The following CEP192 variants were observed in gnomAD, a reference collection of about 807,000 sequenced individuals.
CEP192 encodes the protein centrosomal protein of 192 kDa.
CEP192 carries 151 observed loss-of-function variants against 271.8 expected under a neutral mutation model. That is an observed-to-expected ratio of 0.56 (90% CI 0.49 to 0.64). CEP192 has a LOEUF of 0.64. Among genes scored for constraint, CEP192 ranks in the 30% least tolerant of loss-of-function variants. The probability of loss-of-function intolerance (pLI) is 0.00; values close to 1 mark genes in which losing one functional copy is unlikely to be tolerated. For missense variants in CEP192, 2,910 were observed against 3,020.5 expected (o/e 0.96, Z 0.86); for synonymous variants, 995 against 1,076.5 (o/e 0.92, Z 1.48).
intron 30 of CEP192, among the ~76,000 whole-genome samples, chr18:13,081,124 C>G (rs1392900255): frequency 6.6e-6 from 1 of 152,096 alleles, no homozygotes; most frequent in Non-Finnish European, 1.5e-5. Flanking sequence ...CTTTGCCAGG[C>G]TTTGGTATCA....
At chr18:13,106,157 C>G (rs912220913) in intron 40 of CEP192, among the ~76,000 whole-genome samples, 6 of 152,170 alleles carry the variant, frequency 3.9e-5, no homozygotes, top group African/African-American at 1.4e-4. Flanking sequence ...TGACTTTATA[C>G]TATAGAATAA....
chr18:13,001,929 ACTC>A (rs2033670613), intron 3 of CEP192, among the ~76,000 whole-genome samples: 1 of 152,046 alleles, frequency 6.6e-6, no homozygotes, highest in South Asian at 2.1e-4. Flanking sequence ...CTGGTCTCAA[ACTC>A]CTGACCTCAA....
At chr18:13,028,645 G>A (rs9952452) in intron 9 of CEP192, among the ~76,000 whole-genome samples, 22,218 of 151,924 alleles carry the variant, frequency 0.15, 1,877 homozygotes, top group East Asian at 0.31. Flanking sequence ...TCAGCCTCCC[G>A]AGTAGCTGGG....
chr18:13,073,076 A>G lies in CEP192; in HGVS notation c.5507A>G (p.Glu1836Gly). 2 of 1,613,836 alleles carry G rather than the reference A, an allele frequency of 1.2e-6. No individual in the cohort carries two copies. Among genetic ancestry groups the G allele is most frequent in the East Asian group, 2.2e-5 (1 of 44,868 alleles). The change falls in exon 30 of 45, where the codon GAA becomes GGA. Residue 1836 changes from glutamate to glycine, a missense_variant. By Grantham distance (98) the Glu-to-Gly change is moderately conservative. Transcript: ENST00000506447. ...TGTGAGATCAGAATTCACCCAAAGG[A>G]AGACATTTTCATCTCTGTATTATTT... is the stretch of plus-strand genomic sequence containing the variant. ...SNCEIRIHPK[E>G]DIFISVLFAP...
chr18:13,001,465 A>G lies in CEP192; in HGVS notation c.173A>G (p.Asp58Gly). 6.5e-7 allele frequency: 1 copy of G among 1,540,566 alleles called. No homozygotes were observed. Residue 58 changes from aspartate to glycine, a missense_variant, in exon 3 of 45, where the codon GAT becomes GGT. Asp to Gly is a moderately conservative substitution (Grantham distance 94, BLOSUM62 -1). Coordinates refer to ENST00000506447, the MANE Select transcript of CEP192 (RefSeq NM_032142.4). ...AAATTTTTTTTGTATAGGTATCCTGATATCCAGGCATCTTACTTAGTAGAA... is the reference window on the plus strand; with the variant it reads ...AAATTTTTTTTGTATAGGTATCCTGGTATCCAGGCATCTTACTTAGTAGAA... ...DRSSTDNRYP[D>G]IQASYLVEGR... is the part of the protein sequence containing the mutation.
chr18:12,996,081 TGTTATAGG>T (rs1381012246), intron 1 of CEP192, among the ~76,000 whole-genome samples: 1 of 151,940 alleles, frequency 6.6e-6, no homozygotes, highest in African/African-American at 2.4e-5. Context: ...GTTTCAGTAA[TGTTATAGG>T]GTGACTTTCG....
rs80022139 is a variant in CEP192 at position 13,036,255 on chromosome 18, C to G, written c.1535-982C>G. Among the ~76,000 whole-genome samples the G allele has an allele frequency of 3.0e-3, 450 of 152,196 alleles. 6 individuals are homozygous for G. In the East Asian group the frequency reaches 0.036, roughly 12 times the overall value. The stretch of plus-strand genomic sequence containing the variant: ...TAGGAAGCCTCAGTGGGCTTTGGTG[C>G]TCTGCTTTTCCTGAACAGAAATATC... On this transcript the variant is annotated intron_variant, in intron 11 of 44. Transcript: ENST00000506447.
intron 40 of CEP192, among the ~76,000 whole-genome samples, chr18:13,106,401 A>G (rs1482053172): frequency 6.7e-6 from 1 of 149,880 alleles, no homozygotes; most frequent in Admixed American, 6.7e-5. Flanking sequence ...CACCACTACT[A>G]CCACTCACCA....
chr18:13,050,528 A>G (rs2036724999), intron 17 of CEP192, among the ~76,000 whole-genome samples: 1 of 151,636 alleles, frequency 6.6e-6, no homozygotes, highest in Admixed American at 6.6e-5. Flanking sequence ...AGTTTGAAAC[A>G]CTTTCATATA....
chr18:13,117,710 G>C, intron 44 of CEP192, 67 bp downstream of exon 44: 1 of 1,189,280 alleles, frequency 8.4e-7, no homozygotes, highest in Non-Finnish European at 1.3e-6. Flanking sequence ...GGGAGTTGGG[G>C]CTTGTGAGGT....
chr18:13,096,659 C>T (rs958778143), intron 36 of CEP192, among the ~76,000 whole-genome samples: 1 of 152,128 alleles, frequency 6.6e-6, no homozygotes, highest in Admixed American at 6.6e-5. Flanking sequence ...GATGAGGGGT[C>T]GCGATGTGTC....
intron 5 of CEP192, among the ~76,000 whole-genome samples, chr18:13,015,061 C>T (rs1048730124): frequency 6.6e-6 from 1 of 152,090 alleles, no homozygotes; most frequent in African/African-American, 2.4e-5. Flanking sequence ...TACTATATTA[C>T]GAGCCTCTCT....
rs988365981 is a variant in CEP192 at position 13,031,536 on chromosome 18, C to T, written c.1534+928C>T. ...TGCTGGGATTACAGGCGTGAGCCAC[C>T]GCGCCCGGCCACCTGGCCTTATTGT... On this transcript the variant is annotated intron_variant, in intron 11 of 44. Transcript: ENST00000506447. Among the ~76,000 whole-genome samples, 5 of 152,052 alleles carry T rather than the reference C, an allele frequency of 3.3e-5. No individual in the cohort carries two copies. The East Asian group carries it at 9.7e-4, about 30-fold the overall frequency.
At chr18:13,029,477 A>C (rs994414133) in intron 9 of CEP192, among the ~76,000 whole-genome samples, 186 bp from the exon 10 acceptor site, 1 of 152,194 alleles carries the variant, frequency 6.6e-6, no homozygotes, top group Non-Finnish European at 1.5e-5. Context: ...GGTTTTGGTA[A>C]GTTGCTTATC....
chr18:13,109,026 C>T (rs1325485456), intron 40 of CEP192, among the ~76,000 whole-genome samples: 2 of 152,188 alleles, frequency 1.3e-5, no homozygotes, highest in Non-Finnish European at 2.9e-5. Flanking sequence ...ACTATTCAAC[C>T]CAGCAGTCCC....
Position 13,068,889 on chromosome 18 carries a change from T to C in CEP192, c.4860T>C (p.Val1620=). The C allele has an allele frequency of 6.2e-7, 1 of 1,614,204 alleles. No homozygotes were observed. The highest frequency in any genetic ancestry group is 1.1e-5 in the South Asian group (1 of 91,086). ...CAGCAGAAGAATTCTCGGCAAAAGT[T>C]GATATCGAAGTTGACAGCCCAAACC... ...LDSAEEFSAK[V]DIEVDSPNPT... Residue 1620 remains valine (V), a synonymous_variant, in exon 25 of 45, where the codon GTT becomes GTC. Transcript: ENST00000506447.
intron 2 of CEP192, among the ~76,000 whole-genome samples, chr18:12,999,814 A>G (rs1181951267): frequency 7.1e-6 from 1 of 140,494 alleles, no homozygotes; most frequent in Non-Finnish European, 1.5e-5. Flanking sequence ...AGCACCAGTT[A>G]CCTATTTCGG....
chr18:13,049,928 T>C (rs755657823), intron 17 of CEP192, 37 bp downstream of exon 17: 8 of 1,562,848 alleles, frequency 5.1e-6, no homozygotes, highest in African/African-American at 3.2e-5. Context: ...AATAAAAATA[T>C]GCGTTCAGTA....
intron 30 of CEP192, among the ~76,000 whole-genome samples, chr18:13,084,820 C>CTTT (rs75187893): frequency 6.8e-6 from 1 of 146,300 alleles, no homozygotes; most frequent in African/African-American, 2.5e-5. Context: ...TTTTGATTTC[C>CTTT]TTTTTTTTTT....
Sources: gnomAD v4.1 joint callset for allele counts (sites outside exome capture counted in the v4.1 genomes callset) on GRCh38, gnomAD v4.1.1 for gene constraint, MANE v1.5 for transcripts, NCBI Gene and HGNC (gene_info 2026-07-23, HGNC 2026-07-21) for gene names.